The following KCTD8 variants were observed in gnomAD, a reference collection of about 807,000 sequenced individuals.
KCTD8 encodes potassium channel tetramerization domain containing 8.
Under a neutral mutation model 31.5 loss-of-function variants are expected in KCTD8, and 27 were observed. That is an observed-to-expected ratio of 0.86 (90% CI 0.63 to 1.18). The LOEUF (loss-of-function observed/expected upper bound fraction) is 1.18. Ranked by LOEUF, KCTD8 falls within the 50% of genes most tolerant of loss-of-function variation. The probability of loss-of-function intolerance (pLI) is 0.00; values close to 1 mark genes in which losing one functional copy is unlikely to be tolerated. For synonymous variants in KCTD8, 290 were observed against 280.0 expected (o/e 1.04, Z -0.36); for missense variants, 658 against 647.7 (o/e 1.02, Z -0.17).
intron 1 of KCTD8, among the ~76,000 whole-genome samples, chr4:44,175,701 A>C (rs1277128687): frequency 6.6e-6 from 1 of 152,216 alleles, no homozygotes; most frequent in Admixed American, 6.5e-5. Flanking sequence ...AAAGCAAGAA[A>C]GTACCATTGA....
chr4:44,212,050 T>G (rs535117677), intron 1 of KCTD8, among the ~76,000 whole-genome samples: 1 of 152,290 alleles, frequency 6.6e-6, no homozygotes, highest in South Asian at 2.1e-4. Flanking sequence ...AGAGAATAGA[T>G]TTGGAATTGC....
At chr4:44,198,463 GC>G (rs1714014741) in intron 1 of KCTD8, among the ~76,000 whole-genome samples, 1 of 152,114 alleles carries the variant, frequency 6.6e-6, no homozygotes, top group South Asian at 2.1e-4. Context: ...AGACCTCTCA[GC>G]AGAAACCTCA....
intron 1 of KCTD8, among the ~76,000 whole-genome samples, chr4:44,440,699 G>GAACA (rs1721791142): frequency 6.6e-6 from 1 of 152,174 alleles, no homozygotes; most frequent in South Asian, 2.1e-4. Flanking sequence ...TGTGGCCTTA[G>GAACA]CCTCTGCCCT....
chr4:44,350,027 T>A (rs1719157559), intron 1 of KCTD8, among the ~76,000 whole-genome samples: 2 of 152,164 alleles, frequency 1.3e-5, no homozygotes, highest in African/African-American at 4.8e-5. Context: ...TCACTTTGAT[T>A]TCCTCATTAG....
chr4:44,423,260 ATAAAG>A (rs1721265976), intron 1 of KCTD8, among the ~76,000 whole-genome samples: 2 of 152,148 alleles, frequency 1.3e-5, no homozygotes, highest in Non-Finnish European at 2.9e-5. Flanking sequence ...ACCTAAATTA[ATAAAG>A]TAGACTCATT....
chr4:44,374,962 C>G (rs113012700), intron 1 of KCTD8, among the ~76,000 whole-genome samples: 2 of 152,042 alleles, frequency 1.3e-5, no homozygotes, highest in African/African-American at 4.8e-5. Context: ...TTGTTTGATA[C>G]AAGGTTGTCA....
At chr4:44,197,334 C>A (rs1190924952) in intron 1 of KCTD8, among the ~76,000 whole-genome samples, 1 of 152,044 alleles carries the variant, frequency 6.6e-6, no homozygotes, top group African/African-American at 2.4e-5. Flanking sequence ...CCTGAGGGAG[C>A]CCCACAGCCT....
intron 1 of KCTD8, among the ~76,000 whole-genome samples, chr4:44,245,589 TA>T (rs1415809046): frequency 1.3e-5 from 2 of 152,020 alleles, no homozygotes; most frequent in Non-Finnish European, 2.9e-5. Context: ...AGAAAGATAA[TA>T]TTTTTTAATA....
chr4:44,277,611 T>C (rs967981239), intron 1 of KCTD8, among the ~76,000 whole-genome samples: 3 of 151,872 alleles, frequency 2.0e-5, no homozygotes, highest in African/African-American at 4.8e-5. Flanking sequence ...AAACAGTCCA[T>C]AGGGGAACTA....
At chr4:44,203,352 A>T (rs905170218) in intron 1 of KCTD8, among the ~76,000 whole-genome samples, 5 of 151,998 alleles carry the variant, frequency 3.3e-5, no homozygotes, top group Non-Finnish European at 7.4e-5. Context: ...AAAATACAAA[A>T]ATTAGCTGAG....
intron 1 of KCTD8, among the ~76,000 whole-genome samples, chr4:44,435,225 G>C (rs2109480453): frequency 6.6e-6 from 1 of 151,940 alleles, no homozygotes; most frequent in South Asian, 2.1e-4. Context: ...TCTCTTTTAT[G>C]CTCACATCAT....
intron 1 of KCTD8, among the ~76,000 whole-genome samples, chr4:44,215,132 C>T (rs75558598): frequency 0.018 from 2,763 of 152,212 alleles, 107 homozygotes; most frequent in African/African-American, 0.062. Context: ...TCTTTTAAAA[C>T]CTCCATCCCT....
chr4:44,318,388 G>A (rs1010512683), intron 1 of KCTD8, among the ~76,000 whole-genome samples: 1 of 152,100 alleles, frequency 6.6e-6, no homozygotes, highest in Non-Finnish European at 1.5e-5. Context: ...ATGCTACAAT[G>A]CCTGGCTTGT....
chr4:44,226,216 G>A (rs187465660), intron 1 of KCTD8, among the ~76,000 whole-genome samples: 11 of 152,076 alleles, frequency 7.2e-5, no homozygotes, highest in Admixed American at 5.9e-4. Context: ...GACAGGCCCC[G>A]GTGTGTGATG....
chr4:44,362,971 G>C (rs1324724974), intron 1 of KCTD8, among the ~76,000 whole-genome samples: 6 of 151,878 alleles, frequency 4.0e-5, no homozygotes, highest in Admixed American at 6.6e-5. Context: ...GGTTAAAACA[G>C]CCTAGTAAAA....
intron 1 of KCTD8, among the ~76,000 whole-genome samples, chr4:44,312,491 T>TA (rs1478493614): frequency 2.0e-5 from 3 of 151,760 alleles, no homozygotes. Context: ...TAAATAAAAT[T>TA]ATTCAAGCAC....
intron 1 of KCTD8, among the ~76,000 whole-genome samples, chr4:44,402,527 G>A (rs1467178006): frequency 1.3e-5 from 2 of 152,082 alleles, no homozygotes; most frequent in Non-Finnish European, 2.9e-5. Context: ...AAACCACTAC[G>A]TGAATTTAGC....
chr4:44,267,051 A>C (rs1716399528), intron 1 of KCTD8, among the ~76,000 whole-genome samples: 1 of 152,190 alleles, frequency 6.6e-6, no homozygotes, highest in South Asian at 2.1e-4. Context: ...GACCTAATAG[A>C]CATCTATAGA....
intron 1 of KCTD8, among the ~76,000 whole-genome samples, chr4:44,435,879 G>A (rs1452811983): frequency 6.6e-6 from 1 of 152,018 alleles, no homozygotes; most frequent in East Asian, 1.9e-4. Context: ...GTGAAAACTG[G>A]CTATGAATAA....
Sources: allele counts gnomAD v4.1 joint callset (sites outside exome capture counted in the v4.1 genomes callset), GRCh38; gene constraint gnomAD v4.1.1; transcripts MANE v1.5; gene names NCBI Gene and HGNC (gene_info 2026-07-23, HGNC 2026-07-21).